The following NXF3 variants were observed in gnomAD, a reference collection of about 807,000 sequenced individuals.
The protein encoded by NXF3 is TAP-like protein 3.
Under a neutral mutation model 48.4 loss-of-function variants are expected in NXF3, and 34 were observed. That is an observed-to-expected ratio of 0.70 (90% confidence interval 0.53 to 0.93). NXF3 has a LOEUF of 0.93. NXF3 is among the 40% of genes least tolerant of loss of function. The pLI, the probability that NXF3 is intolerant of heterozygous loss-of-function variation, is 0.00. For missense variants in NXF3, 359 were observed against 406.1 expected (o/e 0.88, Z 1.00); for synonymous variants, 132 against 145.7 (o/e 0.91, Z 0.68).
intron 1 of NXF3, among the ~76,000 whole-genome samples, chrX:103,092,037 C>T (rs1487888948): frequency 4.7e-5 from 5 of 106,914 alleles, no homozygotes; most frequent in Non-Finnish European, 7.7e-5. Flanking sequence ...ATTAGATGGT[C>T]TGTTGCATGC....
At chrX:103,089,221 T>C (rs1425258994) in intron 1 of NXF3, 1 of 614,180 alleles carries the variant, frequency 1.6e-6, no homozygotes, top group East Asian at 3.3e-5. Flanking sequence ...AGACATCAAC[T>C]TACTCAATTT....
chrX:103,088,977 A>C, intron 1 of NXF3: 2 of 1,173,380 alleles, frequency 1.7e-6, no homozygotes, highest in Non-Finnish European at 1.2e-6. Context: ...TCCTGGTAGC[A>C]CCAGGCAGCC....
At chrX:103,082,916 A>C in intron 7 of NXF3, 68 bp from the exon 8 acceptor site, 1 of 1,130,068 alleles carries the variant, frequency 8.8e-7, no homozygotes. Context: ...ATCAGCACTA[A>C]CCCCTCCCCA....
At chrX:103,076,034 G>A (rs1921863455) in intron 19 of NXF3, 34 bp from the exon 20 acceptor site, 2 of 386,219 alleles carry the variant, frequency 5.2e-6, no homozygotes, top group Non-Finnish European at 9.0e-6. Flanking sequence ...AGATGATGAG[G>A]CTGAAGATTA....
chrX:103,087,397 G>A, intron 1 of NXF3: 1 of 1,164,057 alleles, frequency 8.6e-7, no homozygotes, highest in East Asian at 3.0e-5. Flanking sequence ...TAGACAACTA[G>A]TTCATCTGGA....
chrX:103,087,178 A>G (rs1220349135), intron 1 of NXF3: 2 of 636,996 alleles, frequency 3.1e-6, no homozygotes, highest in East Asian at 3.3e-5. Context: ...AGCTCATCAG[A>G]CTACATCACT....
chrX:103,080,366 C>T (rs1033156916), intron 10 of NXF3, 150 bp from the exon 11 acceptor site: 2 of 663,439 alleles, frequency 3.0e-6, no homozygotes, highest in South Asian at 2.7e-5. Flanking sequence ...TCGGGATTGC[C>T]GCCACCTGAA....
At chrX:103,088,448 G>A (rs1271801271) in intron 1 of NXF3, 27 of 825,801 alleles carry the variant, frequency 3.3e-5, no homozygotes, top group Non-Finnish European at 4.6e-5. Context: ...ACCAAAATGT[G>A]GGAAAAAAAT....
At chrX:103,079,552 A>G (rs1292749634) in intron 14 of NXF3, 32 bp downstream of exon 14, 6 of 1,198,787 alleles carry the variant, frequency 5.0e-6, no homozygotes, top group Non-Finnish European at 5.6e-6. Context: ...ACACCCCCTT[A>G]CCCTGCCCAG....
At chrX:103,080,637 A>G in intron 9 of NXF3, 25 bp from the exon 10 acceptor site, 1 of 1,202,915 alleles carries the variant, frequency 8.3e-7, no homozygotes, top group Non-Finnish European at 1.1e-6. Flanking sequence ...AACAAAATGG[A>G]CAACGGTAAG....
At chrX:103,082,711 A>C in intron 8 of NXF3, 49 bp downstream of exon 8, 1 of 1,019,376 alleles carries the variant, frequency 9.8e-7, no homozygotes, top group Non-Finnish European at 1.4e-6. Context: ...CCTCCTAGCT[A>C]ATCTCTTCCA....
At chrX:103,092,971 T>G (rs776451666) in intron 1 of NXF3, 25 bp downstream of exon 1, 1 of 1,202,919 alleles carries the variant, frequency 8.3e-7, no homozygotes, top group African/African-American at 1.8e-5. Flanking sequence ...GACCTGAGAC[T>G]CCAGCCTCAT....
intron 1 of NXF3, among the ~76,000 whole-genome samples, chrX:103,092,452 A>G (rs1320130093): frequency 8.9e-6 from 1 of 112,917 alleles, no homozygotes; most frequent in Non-Finnish European, 1.9e-5. Context: ...ATCTAAGTAA[A>G]TAGAGAAATA....
intron 1 of NXF3, chrX:103,087,222 G>C: frequency 1.2e-6 from 1 of 833,043 alleles, no homozygotes; most frequent in South Asian, 2.3e-5. Context: ...ATTTAAAAAT[G>C]CTAAAGATTC....
At chrX:103,086,417 A>G (rs1922157435) in intron 1 of NXF3, among the ~76,000 whole-genome samples, 1 of 111,273 alleles carries the variant, frequency 9.0e-6, no homozygotes, top group Non-Finnish European at 1.9e-5. Context: ...GTGATAGGGC[A>G]AAGATATATA....
chrX:103,090,832 G>C (rs184097739), intron 1 of NXF3, among the ~76,000 whole-genome samples: 11 of 111,704 alleles, frequency 9.8e-5, no homozygotes, highest in African/African-American at 3.6e-4. Flanking sequence ...TGTTTATTAC[G>C]TAGAGACAGC....
intron 1 of NXF3, chrX:103,089,086 G>A: frequency 2.9e-6 from 3 of 1,020,496 alleles, no homozygotes; most frequent in Non-Finnish European, 4.1e-6. Context: ...TACCGACGCA[G>A]TGTTTGTGCT....
At chrX:103,082,571 G>A (rs768562672) in intron 8 of NXF3, among the ~76,000 whole-genome samples, 189 bp downstream of exon 8, 1 of 111,929 alleles carries the variant, frequency 8.9e-6, no homozygotes, top group South Asian at 3.8e-4. Flanking sequence ...AATGTTGGGG[G>A]CCTTTGGCAT....
intron 1 of NXF3, among the ~76,000 whole-genome samples, chrX:103,086,496 A>G (rs1922159053): frequency 9.0e-6 from 1 of 111,557 alleles, no homozygotes; most frequent in African/African-American, 3.3e-5. Flanking sequence ...TGAGATAAAA[A>G]TTTAATAGTT....
Sources: allele counts gnomAD v4.1 joint callset (sites outside exome capture counted in the v4.1 genomes callset), GRCh38; gene constraint gnomAD v4.1.1; transcripts MANE v1.5; gene names NCBI Gene and HGNC (gene_info 2026-07-23, HGNC 2026-07-21).